POU2F1: variants seen among roughly 807,000 people sequenced by gnomAD.
POU2F1 encodes POU domain, class 2, transcription factor 1.
A neutral mutation model predicts 84.9 loss-of-function variants in POU2F1; 16 were observed. The ratio of observed to expected loss-of-function variants is 0.19; its 90% CI spans 0.13 to 0.29. The LOEUF is 0.29. POU2F1 is among the 10% of genes least tolerant of loss of function. The pLI is 1.00. For missense variants in POU2F1, 738 were observed against 942.6 expected (o/e 0.78, Z 2.84); for synonymous variants, 368 against 368.3 (o/e 1.00, Z 0.01).
At chr1:167,250,422 A>T (rs979713725) in intron 1 of POU2F1, among the ~76,000 whole-genome samples, 3 of 152,224 alleles carry the variant, frequency 2.0e-5, no homozygotes, top group Admixed American at 1.3e-4. Context: ...TCTCAATTTA[A>T]ATTATAGTGT....
Position 167,374,276 on chromosome 1 carries a change from C to G in POU2F1, c.571C>G (p.Gln191Glu). The change falls in exon 6 of 16, where the codon CAG becomes GAG. Residue 191 changes from glutamine to glutamate, a missense_variant. Gln to Glu is a conservative substitution (Grantham distance 29). This residue lies in a region of POU2F1 where 163 missense variants were observed against 214.4 expected (regional missense o/e 0.76). Coordinates refer to ENST00000367866, the MANE Select transcript of POU2F1 (RefSeq NM_002697.4). ...ATPMTQIPLS[Q>E]PIQIAQDLQQ... ...GCCCATGACGCAGATCCCCCTGTCT[C>G]AGCCCATACAGATCGCACAGGTGAG... 6.2e-7 allele frequency: 1 copy of G among 1,605,354 alleles called. No homozygotes were observed. The highest frequency in any genetic ancestry group is 8.5e-7 in the Non-Finnish European group (1 of 1,175,876).
chr1:167,375,945 C>A, intron 6 of POU2F1, 84 bp from the exon 7 acceptor site: 2 of 1,475,520 alleles, frequency 1.4e-6, no homozygotes, highest in Non-Finnish European at 1.9e-6. Flanking sequence ...TTGGATGTGA[C>A]AGAAGTCATC....
intron 2 of POU2F1, among the ~76,000 whole-genome samples, chr1:167,359,259 C>T (rs190813778): frequency 1.6e-4 from 25 of 151,816 alleles, no homozygotes; most frequent in South Asian, 8.3e-4. Flanking sequence ...ATGGGTATAT[C>T]GCCTGATGCT....
chr1:167,367,982 A>G (rs1659790736), intron 3 of POU2F1, among the ~76,000 whole-genome samples: 1 of 152,180 alleles, frequency 6.6e-6, no homozygotes, highest in Admixed American at 6.5e-5. Context: ...ACTTCTAAAT[A>G]CTTCAGCATG....
At position 167,261,494 on chromosome 1, in the gene POU2F1, T is replaced by C. The variant is rs181328255; in HGVS notation, c.61+40536T>C. On this transcript the variant is annotated intron_variant, in intron 1 of 15. Transcript: ENST00000367866. ...TAAGAGCAAGATATAGGGATAGATA[T>C]AGCTGTTGGCACAGTCTAGGGGAAC... 5.9e-5 allele frequency among the ~76,000 whole-genome samples: 9 copies of C among 152,260 alleles called. No individual in the cohort carries two copies. In the East Asian group the frequency reaches 1.5e-3, roughly 26 times the overall value.
At chr1:167,278,582 G>A (rs767684540) in intron 1 of POU2F1, among the ~76,000 whole-genome samples, 4 of 152,066 alleles carry the variant, frequency 2.6e-5, no homozygotes, top group Non-Finnish European at 5.9e-5. Context: ...TTTATCATTC[G>A]ACACAGTTTA....
intron 13 of POU2F1, among the ~76,000 whole-genome samples, chr1:167,402,881 C>T (rs1283667475): frequency 6.6e-6 from 1 of 152,178 alleles, no homozygotes; most frequent in Non-Finnish European, 1.5e-5. Context: ...GAACTGAATC[C>T]TACCTTCCCA....
chr1:167,376,160 GC>G lies in POU2F1; in HGVS notation c.718+6del. On this transcript the variant is annotated splice_donor_region_variant and intron_variant, in intron 7 of 15. Coordinates refer to ENST00000367866, the MANE Select transcript of POU2F1 (RefSeq NM_002697.4). ...AGACGCCCCAGGGCCAGCAGGGTGA[GC>G]TCCTCCTTAGAGCTTATTAGTGGTA... The G allele has an allele frequency of 1.2e-6, 2 of 1,614,128 alleles. No homozygotes were observed. Among genetic ancestry groups the G allele is most frequent in the Non-Finnish European group, 1.7e-6 (2 of 1,180,002 alleles).
chr1:167,403,553 C>T (rs966561751), intron 13 of POU2F1, among the ~76,000 whole-genome samples: 3 of 152,132 alleles, frequency 2.0e-5, no homozygotes, highest in African/African-American at 7.2e-5. Context: ...CTTGTACAGC[C>T]TCTTTTCCTC....
In POU2F1 at chr1:167,341,445, G is replaced by T. The variant is rs114831483; in HGVS notation, c.127+8910G>T. On this transcript the variant is annotated intron_variant, in intron 2 of 15. Coordinates refer to ENST00000367866, the MANE Select transcript of POU2F1 (RefSeq NM_002697.4). ...CTGAATTATGATAGATAGATCCAAG[G>T]CTTCCCTATCCTGTCCTTTTTCACT... 5.6e-3 allele frequency among the ~76,000 whole-genome samples: 854 copies of T among 152,128 alleles called. 3 individuals are homozygous for T. Among genetic ancestry groups the T allele is most frequent in the African/African-American group, 0.019 (798 of 41,494 alleles).
rs552340051 is a variant in POU2F1 at position 167,276,815 on chromosome 1, A to G, written c.62-55655A>G. Among the ~76,000 whole-genome samples, 34 of 152,256 alleles carry G rather than the reference A, an allele frequency of 2.2e-4. No homozygotes were observed. The South Asian group carries it at 2.3e-3, about 10-fold the overall frequency. ...GTGGGAAAGGCAAAGGAGAAAATCA[A>G]TAAGTATGGAGAAGAAAGAAATGAG... On this transcript the variant is annotated intron_variant, in intron 1 of 15. Coordinates refer to ENST00000367866, the MANE Select transcript of POU2F1 (RefSeq NM_002697.4).
chr1:167,390,484 A>G (rs980620722), intron 9 of POU2F1, among the ~76,000 whole-genome samples: 3 of 152,202 alleles, frequency 2.0e-5, no homozygotes, highest in Non-Finnish European at 4.4e-5. Context: ...TAGAAGGCTT[A>G]TTTAAAAACA....
At chr1:167,246,504 A>G (rs1256701308) in intron 1 of POU2F1, among the ~76,000 whole-genome samples, 1 of 152,170 alleles carries the variant, frequency 6.6e-6, no homozygotes, top group Admixed American at 6.5e-5. Flanking sequence ...AATTATTATT[A>G]TAAAATTTTT....
At chr1:167,427,342 A>G (rs1451266983), downstream of POU2F1, 1 of 152,142 alleles carries the variant, frequency 6.6e-6, no homozygotes, top group Non-Finnish European at 1.5e-5. Context: ...GTGTTTTCAC[A>G]TTGTTGGAGT....
chr1:167,393,788 G>C (rs973071600), intron 9 of POU2F1, among the ~76,000 whole-genome samples: 1 of 152,116 alleles, frequency 6.6e-6, no homozygotes, highest in Non-Finnish European at 1.5e-5. Flanking sequence ...TTATTGTGCA[G>C]TTACTATGCC....
rs376193098 is a variant in POU2F1 at position 167,371,945 on chromosome 1, C to T, written c.311C>T (p.Ser104Leu). The part of the protein sequence containing the change: ...QSKSNEESGD[S>L]QQPSQPSQQP... ...AAATCTAATGAAGAATCGGGGGATT[C>T]GCAGCAGCCAAGCCAGCCTTCCCAG... is the stretch of plus-strand genomic sequence containing the variant. The change falls in exon 5 of 16, where the codon TCG becomes TTG. Residue 104 changes from serine (S) to leucine (L), a missense_variant. Around this residue, in one of 4 missense-constraint regions of POU2F1, gnomAD observed 161 missense variants for 147.0 expected, o/e 1.10. Coordinates refer to ENST00000367866, the MANE Select transcript of POU2F1 (RefSeq NM_002697.4). 2.7e-5 allele frequency: 44 copies of T among 1,614,174 alleles called. No homozygotes were observed. Among genetic ancestry groups the T allele is most frequent in the South Asian group, 2.4e-4 (22 of 91,088 alleles).
intron 1 of POU2F1, among the ~76,000 whole-genome samples, chr1:167,322,433 C>T (rs1021595021): frequency 5.9e-5 from 9 of 152,244 alleles, no homozygotes; most frequent in African/African-American, 2.2e-4. Flanking sequence ...ACCATCCTCA[C>T]TGGCAAGGGT....
intron 1 of POU2F1, among the ~76,000 whole-genome samples, chr1:167,247,775 A>G (rs1257985432): frequency 6.6e-6 from 1 of 152,216 alleles, no homozygotes; most frequent in Non-Finnish European, 1.5e-5. Flanking sequence ...TGTTTTACAT[A>G]TGTACCTTTG....
rs201789543 is a variant in POU2F1, at chr1:167,249,977, TTA to T, written c.61+29021_61+29022del. On this transcript the variant is annotated intron_variant, in intron 1 of 15. Coordinates refer to ENST00000367866, the MANE Select transcript of POU2F1 (RefSeq NM_002697.4). ...TAGATACTTATTTCATTAACAGGAGTTATGTTTATTTTTGTAATTGACATTTT... is the reference window on the plus strand; with the variant it reads ...TAGATACTTATTTCATTAACAGGAGTTGTTTATTTTTGTAATTGACATTTT... Among the ~76,000 whole-genome samples, 971 of 152,290 alleles carry T rather than the reference TTA, an allele frequency of 6.4e-3. 8 individuals are homozygous for T. Among genetic ancestry groups the T allele is most frequent in the African/African-American group, 0.021 (860 of 41,552 alleles).
Sources: gnomAD v4.1 joint callset for allele counts (sites outside exome capture counted in the v4.1 genomes callset) on GRCh38, gnomAD v4.1.1 for gene constraint, gnomAD v4.1.1 regional missense constraint, MANE v1.5 for transcripts, NCBI Gene and HGNC (gene_info 2026-07-23, HGNC 2026-07-21) for gene names.